The following CHRNA7 variants were observed in gnomAD, a reference collection of about 807,000 sequenced individuals.
CHRNA7 encodes the protein cholinergic receptor nicotinic alpha 7 subunit, also known as neuronal acetylcholine receptor subunit alpha-7.
A neutral mutation model predicts 48.0 loss-of-function variants in CHRNA7; 17 were observed. That is an observed-to-expected ratio of 0.35 (90% CI 0.24 to 0.53). The LOEUF is 0.53. Ranked by LOEUF, CHRNA7 falls within the 20% of genes least tolerant of loss-of-function variation. The pLI, the probability that CHRNA7 is intolerant of heterozygous loss-of-function variation, is 0.92. For missense variants in CHRNA7, 155 were observed against 577.7 expected (o/e 0.27, Z 7.50); for synonymous variants, 75 against 242.3 (o/e 0.31, Z 6.41).
At chr15:32,136,858 C>A in intron 4 of CHRNA7, among the ~76,000 whole-genome samples, 2 of 118,710 alleles carry the variant, frequency 1.7e-5, no homozygotes, top group Non-Finnish European at 1.7e-5. Context: ...GGTGAAACCC[C>A]GTCTCTACTA....
intron 4 of CHRNA7, among the ~76,000 whole-genome samples, chr15:32,147,139 T>G (rs1290325851): frequency 6.6e-6 from 1 of 152,236 alleles, no homozygotes; most frequent in South Asian, 2.1e-4. Context: ...CATGTTACAT[T>G]CAATTTAATA....
At chr15:32,051,957 A>C (rs2049691776) in intron 2 of CHRNA7, among the ~76,000 whole-genome samples, 3 of 152,166 alleles carry the variant, frequency 2.0e-5, no homozygotes, top group Admixed American at 2.0e-4. Context: ...GATTGCAGGC[A>C]TGAGCCACTG....
chr15:32,128,681 A>C lies in CHRNA7; in HGVS notation c.350+16782A>C, dbSNP rs546872323. Among the ~76,000 whole-genome samples the C allele has an allele frequency of 2.6e-5, 4 of 151,118 alleles. No homozygotes were observed. In the East Asian group the frequency reaches 7.8e-4, roughly 29 times the overall value. On this transcript the variant is annotated intron_variant, in intron 4 of 9. Transcript: ENST00000306901. ...TGTTTTTGTTTTGAGATTCCTTTGGATTTTCCACATAGACCATCATGTCAC... is the reference window on the plus strand; with the variant it reads ...TGTTTTTGTTTTGAGATTCCTTTGGCTTTTCCACATAGACCATCATGTCAC...
Position 32,030,950 on chromosome 15 carries a change from C to G in CHRNA7, c.108C>G (p.Asn36Lys), listed in dbSNP as rs1901802208. The change falls in exon 2 of 10, where the codon AAC becomes AAG. Residue 36 changes from asparagine to lysine, a missense_variant. Asn to Lys is a moderately conservative substitution (Grantham distance 94). Coordinates refer to ENST00000306901, the MANE Select transcript of CHRNA7 (RefSeq NM_000746.6). The stretch of plus-strand genomic sequence containing the variant: ...AGCTTTACAAGGAGCTGGTCAAGAA[C>G]TACAATCCCTTGGAGAGGCCCGTGG... ...QRKLYKELVK[N>K]YNPLERPVAN... 6.2e-7 allele frequency: 1 copy of G among 1,614,196 alleles called. No individual in the cohort carries two copies. Among genetic ancestry groups the G allele is most frequent in the Non-Finnish European group, 8.5e-7 (1 of 1,180,018 alleles).
At chr15:32,076,544 T>G (rs2050139023) in intron 2 of CHRNA7, among the ~76,000 whole-genome samples, 1 of 152,230 alleles carries the variant, frequency 6.6e-6, no homozygotes, top group Non-Finnish European at 1.5e-5. Context: ...TCGTGTGTAT[T>G]GTTTTATTTG....
chr15:32,073,158 T>C (rs568358405), intron 2 of CHRNA7, among the ~76,000 whole-genome samples: 140 of 152,308 alleles, frequency 9.2e-4, no homozygotes, highest in Non-Finnish European at 1.5e-3. Flanking sequence ...GTCAGAGCTT[T>C]CCAAGGCCTT....
chr15:32,074,666 A>ATTTTTTTTTTTTTTTTTT (rs869186591), intron 2 of CHRNA7, among the ~76,000 whole-genome samples: 1 of 107,298 alleles, frequency 9.3e-6, no homozygotes, highest in African/African-American at 3.2e-5. Flanking sequence ...TATTATTATT[A>ATTTTTTTTTTTTTTTTTT]TTTTTGAGAC....
In CHRNA7 at chr15:32,149,331, G is replaced by C. The variant is rs2611603; in HGVS notation, c.351-4576G>C. ...GCACAGGGCTGCCCAGCACTGGTGA[G>C]GGGGTCACTGTTGGCTGGCATCTGT... On this transcript the variant is annotated intron_variant, in intron 4 of 9. Transcript: ENST00000306901. The surrounding 1 kb of genome is among the most constrained non-coding windows in gnomAD (Gnocchi z 4.6). Among the ~76,000 whole-genome samples the C allele has an allele frequency of 6.0e-3, 918 of 152,190 alleles. 7 individuals carry two copies. The highest frequency in any genetic ancestry group is 0.017 in the Middle Eastern group (5 of 294).
Position 32,170,474 on chromosome 15 carries a change from G to GTT in CHRNA7, c.*2019_*2020dup, listed in dbSNP as rs1389972843. On this transcript the variant is annotated 3_prime_UTR_variant, in exon 10 of 10. Transcript: ENST00000306901. The stretch of plus-strand genomic sequence containing the variant: ...AGTGTCTTTAGAAACAAGTAGAAGT[G>GTT]TTTTGATATATAAAAGGAATGCTTC... 2.0e-5 allele frequency: 3 copies of GTT among 151,198 alleles called. No homozygotes were observed. Among genetic ancestry groups the GTT allele is most frequent in the African/African-American group, 7.4e-5 (3 of 40,590 alleles). The allele number at this position is 151,198 out of a possible 1,614,324, so 9.4% of individuals were successfully genotyped here.
At chr15:32,104,387 C>T (rs1260176171) in intron 3 of CHRNA7, among the ~76,000 whole-genome samples, 2 of 152,148 alleles carry the variant, frequency 1.3e-5, no homozygotes, top group East Asian at 3.9e-4. Context: ...GTCAACTCTT[C>T]ATTGAGTCTT....
chr15:32,143,820 G>A lies in CHRNA7; in HGVS notation c.351-10087G>A, dbSNP rs368753001. 1.1e-3 allele frequency among the ~76,000 whole-genome samples: 165 copies of A among 152,108 alleles called. 3 individuals carry two copies. The South Asian group carries it at 0.033, about 30-fold the overall frequency. ...TTTGAGCCTATGTGTGTCTCTGCATGTGAGATGGGTCTCCTGAATACAGCA... is the reference window on the plus strand; with the variant it reads ...TTTGAGCCTATGTGTGTCTCTGCATATGAGATGGGTCTCCTGAATACAGCA... On this transcript the variant is annotated intron_variant, in intron 4 of 9. Transcript: ENST00000306901.
intron 4 of CHRNA7, among the ~76,000 whole-genome samples, chr15:32,117,735 C>G (rs1168553623): frequency 6.6e-6 from 1 of 152,108 alleles, no homozygotes; most frequent in East Asian, 1.9e-4. Flanking sequence ...CATGGCAGTG[C>G]ACACATGGAA....
chr15:32,143,751 T>C, intron 4 of CHRNA7, among the ~76,000 whole-genome samples: 1 of 152,214 alleles, frequency 6.6e-6, no homozygotes, highest in Non-Finnish European at 1.5e-5. Context: ...CCTGCTTTTT[T>C]TTTGCATTCC....
At chr15:32,110,179 TTGGCTGTGGCAGGGCCTTG>T (rs1369125153) in intron 3 of CHRNA7, among the ~76,000 whole-genome samples, 1 of 151,994 alleles carries the variant, frequency 6.6e-6, no homozygotes, top group Non-Finnish European at 1.5e-5. Flanking sequence ...AGCACAGGTG[TTGGCTGTGGCAGGGCCTTG>T]TGCCCAGGGC....
chr15:32,089,701 C>G (rs2050353004), intron 2 of CHRNA7, among the ~76,000 whole-genome samples: 1 of 152,050 alleles, frequency 6.6e-6, no homozygotes, highest in Non-Finnish European at 1.5e-5. Flanking sequence ...AAGTCCTGTT[C>G]TGATGTTTGC....
intron 4 of CHRNA7, among the ~76,000 whole-genome samples, chr15:32,113,429 G>T (rs766146980): frequency 9.9e-5 from 15 of 152,184 alleles, no homozygotes; most frequent in Non-Finnish European, 1.8e-4. Context: ...GAGTTTGAGG[G>T]AGATGCAACT....
intron 4 of CHRNA7, among the ~76,000 whole-genome samples, chr15:32,152,917 G>T (rs78131952): frequency 1.3e-5 from 2 of 149,500 alleles, no homozygotes; most frequent in East Asian, 4.0e-4. Flanking sequence ...TGTGTGTGTG[G>T]GTGTGTGTCC....
intron 1 of CHRNA7, 116 bp from the exon 2 acceptor site, chr15:32,030,782 G>A (rs1377183683): frequency 6.0e-6 from 9 of 1,505,210 alleles, no homozygotes; most frequent in Non-Finnish European, 8.0e-6. Flanking sequence ...GGGGCGCTGC[G>A]GGGGCTGCTT....
At chr15:32,108,545 C>A (rs541897708) in intron 3 of CHRNA7, among the ~76,000 whole-genome samples, 1 of 152,166 alleles carries the variant, frequency 6.6e-6, no homozygotes, top group African/African-American at 2.4e-5. Flanking sequence ...TATTCCATAT[C>A]CATTCTTGGG....
Sources: allele counts gnomAD v4.1 joint callset (sites outside exome capture counted in the v4.1 genomes callset), GRCh38; gene constraint gnomAD v4.1.1; non-coding constraint Gnocchi (gnomAD v3.1); transcripts MANE v1.5; gene names NCBI Gene and HGNC (gene_info 2026-07-23, HGNC 2026-07-21).